The following ATPSCKMT variants were observed in gnomAD, a reference collection of about 807,000 sequenced individuals.
ATPSCKMT encodes ATP synthase subunit C lysine N-methyltransferase.
A neutral mutation model predicts 24.3 loss-of-function variants in ATPSCKMT; 24 were observed. The observed-to-expected ratio is 0.99, with a 90% CI of 0.71 to 1.39. ATPSCKMT has a LOEUF of 1.39. Among genes scored for constraint, ATPSCKMT ranks in the 40% most tolerant of loss-of-function variants. The pLI is 0.00. For missense variants in ATPSCKMT, 311 were observed against 298.4 expected, an observed-to-expected ratio of 1.04 and a Z score of -0.31; for synonymous variants, 95 against 110.5, an observed-to-expected ratio of 0.86 and a Z score of 0.88.
At chr5:10,234,899 G>A (rs1464029289) in intron 4 of ATPSCKMT, among the ~76,000 whole-genome samples, 1 of 152,216 alleles carries the variant, frequency 6.6e-6, no homozygotes, top group Non-Finnish European at 1.5e-5. Context: ...AAGTGGAAGT[G>A]AGCGGCTGTG....
chr5:10,237,084 G>T, intron 2 of ATPSCKMT: 1 of 1,166,410 alleles, frequency 8.6e-7, no homozygotes, highest in Non-Finnish European at 1.1e-6. Flanking sequence ...TTCCTTTGTA[G>T]TTAATGACTG....
At chr5:10,241,817 T>C (rs1744658099) in intron 1 of ATPSCKMT, among the ~76,000 whole-genome samples, 1 of 152,244 alleles carries the variant, frequency 6.6e-6, no homozygotes, top group African/African-American at 2.4e-5. Context: ...ACAAATATTT[T>C]TGGTTTCCCA....
In ATPSCKMT at chr5:10,226,658, T is replaced by G. The variant is rs1265776755; in HGVS notation, c.*783A>C. ...TCTGCAACTTCTGTGAATAAGATTT[T>G]TCTCAGTGTCTAAAATAACAAACAC... On this transcript the variant is annotated 3_prime_UTR_variant, in exon 5 of 5. Transcript: ENST00000511437. 1 of 152,226 alleles carries G rather than the reference T, an allele frequency of 6.6e-6. No individual in the cohort carries two copies. Among genetic ancestry groups the G allele is most frequent in the East Asian group, 1.9e-4 (1 of 5,206 alleles). 9.4% of individuals were successfully genotyped at this position (152,226 alleles called of 1,614,324 possible). A position where few individuals can be genotyped will look rare whatever the true frequency, so the allele number is the denominator to read the frequency against.
intron 1 of ATPSCKMT, chr5:10,248,476 A>T (rs1579437790): frequency 6.6e-6 from 1 of 152,388 alleles, no homozygotes; most frequent in African/African-American, 2.4e-5. Flanking sequence ...GTCCTTGAAG[A>T]ACACTTCAAG....
Position 10,235,114 on chromosome 5 carries a change from G to A in ATPSCKMT, c.495+97C>T, listed in dbSNP as rs778212047. On this transcript the variant is annotated intron_variant, in intron 4 of 4. Coordinates refer to ENST00000511437, the MANE Select transcript of ATPSCKMT (RefSeq NM_199133.4). ...CCAGTGTTCCCTAAAATCTCTGGGA[G>A]GCCATCACCCTCACACGGGTGAGTG... 7.1e-5 allele frequency: 73 copies of A among 1,025,602 alleles called. 1 individual carries two copies. Among genetic ancestry groups the A allele is most frequent in the Middle Eastern group, 4.1e-4 (2 of 4,862 alleles). 63.5% of individuals were successfully genotyped at this position (1,025,602 alleles called of 1,614,324 possible). A position where few individuals can be genotyped will look rare whatever the true frequency, so the allele number is the denominator to read the frequency against.
rs1228625764 is a variant in ATPSCKMT at position 10,225,937 on chromosome 5, C to T, written c.*1504G>A. Among the ~76,000 whole-genome samples, 1 of 152,164 alleles carries T rather than the reference C, an allele frequency of 6.6e-6. No individual in the cohort carries two copies. Among genetic ancestry groups the T allele is most frequent in the East Asian group, 1.9e-4 (1 of 5,202 alleles). Reference sequence around the variant, plus strand: ...GTTACAGTGGAAGGCAACTGAGAGGCATAGAGCAAGAGCTGCCCTCCCACT... The same window carrying T: ...GTTACAGTGGAAGGCAACTGAGAGGTATAGAGCAAGAGCTGCCCTCCCACT... On this transcript the variant is annotated 3_prime_UTR_variant, in exon 5 of 5. Coordinates refer to ENST00000511437, the MANE Select transcript of ATPSCKMT (RefSeq NM_199133.4).
intron 4 of ATPSCKMT, among the ~76,000 whole-genome samples, chr5:10,228,081 G>A (rs557286748): frequency 1.3e-5 from 2 of 152,208 alleles, no homozygotes; most frequent in East Asian, 1.9e-4. Context: ...CTGGGCTCAA[G>A]CAATCTGCCC....
At chr5:10,245,813 T>C (rs1263548190) in intron 1 of ATPSCKMT, among the ~76,000 whole-genome samples, 1 of 152,106 alleles carries the variant, frequency 6.6e-6, no homozygotes, top group Non-Finnish European at 1.5e-5. Context: ...GTAAATAATG[T>C]AAACAAAGCA....
In ATPSCKMT at chr5:10,226,137, C is replaced by T. The variant is rs1165901014; in HGVS notation, c.*1304G>A. ...ACACTGTTTACTTCAGAGAACTCCA[C>T]ACACACTAAGATTCCCTTGCTTATT... On this transcript the variant is annotated 3_prime_UTR_variant, in exon 5 of 5. Transcript: ENST00000511437. Among the ~76,000 whole-genome samples the T allele has an allele frequency of 1.3e-5, 2 of 152,240 alleles. No individual in the cohort carries two copies. The highest frequency in any genetic ancestry group is 2.4e-5 in the African/African-American group (1 of 41,468).
chr5:10,241,547 T>C (rs965339476), intron 1 of ATPSCKMT, among the ~76,000 whole-genome samples: 1 of 152,144 alleles, frequency 6.6e-6, no homozygotes, highest in African/African-American at 2.4e-5. Flanking sequence ...TAAAACTGAT[T>C]TCACAGTGGA....
In ATPSCKMT at chr5:10,227,318, A is replaced by G; in HGVS notation, c.*123T>C. ...GTTTGTTTTCTCCAACAGTTAAGGA[A>G]AGTAATAGTAATTTCTCATTCCAAA... On this transcript the variant is annotated 3_prime_UTR_variant, in exon 5 of 5. Transcript: ENST00000511437. 3.1e-6 allele frequency: 3 copies of G among 982,738 alleles called. No homozygotes were observed. In the South Asian group the frequency reaches 4.9e-5, roughly 16 times the overall value. The allele number at this position is 982,738 out of a possible 1,614,324, so 60.9% of individuals were successfully genotyped here.
At chr5:10,245,416 T>C (rs760988163) in intron 1 of ATPSCKMT, among the ~76,000 whole-genome samples, 12 of 151,490 alleles carry the variant, frequency 7.9e-5, no homozygotes, top group Admixed American at 1.3e-4. Flanking sequence ...TGAGACTCCG[T>C]CTCAAAAAAT....
rs1743843307 is a variant in ATPSCKMT, at chr5:10,225,587, A to T, written c.*1854T>A. Among the ~76,000 whole-genome samples, 4 of 152,172 alleles carry T rather than the reference A, an allele frequency of 2.6e-5. No homozygotes were observed. The South Asian group carries it at 8.3e-4, about 32-fold the overall frequency. On this transcript the variant is annotated 3_prime_UTR_variant, in exon 5 of 5. Coordinates refer to ENST00000511437, the MANE Select transcript of ATPSCKMT (RefSeq NM_199133.4). ...TACGTGAATGGTAGTAGGCAAAAAG[A>T]GCTTGTGCAGGAAAACTCCCCCCTA...
At chr5:10,240,397 G>A (rs2126453038) in intron 1 of ATPSCKMT, among the ~76,000 whole-genome samples, 1 of 152,198 alleles carries the variant, frequency 6.6e-6, no homozygotes, top group East Asian at 1.9e-4. Flanking sequence ...TCAAGATTTT[G>A]AAATTAATAT....
rs937448650 is a variant in ATPSCKMT, at chr5:10,227,590, C to T, written c.553G>A (p.Ala185Thr). Reference sequence around the variant, plus strand: ...CAATGTGGGAAAGGGAACCGGCAAGCAATAACTCGTGCATCATCCTCAAGT... The same window carrying T: ...CAATGTGGGAAAGGGAACCGGCAAGTAATAACTCGTGCATCATCCTCAAGT... ...RELEDDARVI[A>T]CRFPFPHWTP... The change falls in exon 5 of 5, where the codon GCT becomes ACT. Residue 185 changes from alanine (A) to threonine (T), a missense_variant. Coordinates refer to ENST00000511437, the MANE Select transcript of ATPSCKMT (RefSeq NM_199133.4). 6.2e-7 allele frequency: 1 copy of T among 1,614,198 alleles called. No homozygotes were observed.
At chr5:10,227,756 T>C (rs1743949536) in intron 4 of ATPSCKMT, 109 bp from the exon 5 acceptor site, 1 of 1,003,730 alleles carries the variant, frequency 1.0e-6, no homozygotes, top group African/African-American at 1.6e-5. Flanking sequence ...AAATTACTAC[T>C]TGTTAAAAAG....
chr5:10,238,224 C>G (rs149410100), intron 2 of ATPSCKMT, among the ~76,000 whole-genome samples: 2 of 152,236 alleles, frequency 1.3e-5, no homozygotes, highest in South Asian at 4.1e-4. Context: ...GAACCGTACA[C>G]CTGCACATGG....
intron 1 of ATPSCKMT, chr5:10,249,631 G>T: frequency 1.6e-6 from 1 of 633,128 alleles, no homozygotes; most frequent in Non-Finnish European, 2.6e-6. Flanking sequence ...AAGTAGCCTA[G>T]AACAGTCTCT....
chr5:10,243,711 G>GAGTT (rs774550135), intron 1 of ATPSCKMT, among the ~76,000 whole-genome samples: 28 of 152,348 alleles, frequency 1.8e-4, no homozygotes, highest in Admixed American at 3.3e-4. Flanking sequence ...GAACTGAAAA[G>GAGTT]AGTTAGGGCC....
Sources: gnomAD v4.1 joint callset for allele counts (sites outside exome capture counted in the v4.1 genomes callset) on GRCh38, gnomAD v4.1.1 for gene constraint, MANE v1.5 for transcripts, NCBI Gene and HGNC (gene_info 2026-07-23, HGNC 2026-07-21) for gene names.